Variants in MEGF10 observed in about 807,000 individuals in gnomAD.
MEGF10 encodes multiple EGF like domains 10.
MEGF10 carries 86 observed loss-of-function variants against 147.5 expected under a neutral mutation model. The ratio of observed to expected loss-of-function variants is 0.58; its 90% CI spans 0.49 to 0.70. The LOEUF is 0.70. MEGF10 is among the 30% of genes least tolerant of loss of function. The pLI, the probability that MEGF10 is intolerant of heterozygous loss-of-function variation, is 0.00. For synonymous variants in MEGF10, 478 were observed against 525.5 expected, an observed-to-expected ratio of 0.91 and a Z score of 1.24; for missense variants, 1,329 against 1,487.3, an observed-to-expected ratio of 0.89 and a Z score of 1.75.
At chr5:127,240,346 A>T in the MEGF10 span, among the ~76,000 whole-genome samples, 1 of 152,190 alleles carries the variant, frequency 6.6e-6, no homozygotes, top group Non-Finnish European at 1.5e-5. Context: ...TGGAATTATA[A>T]TTCTCTGTGA....
In MEGF10 at chr5:127,317,018, G is replaced by T. The variant is rs246945; in HGVS notation, c.-18-14273G>T. The stretch of plus-strand genomic sequence containing the variant: ...AGAGGAGTGAAAACCTCTAATGTTT[G>T]GGGAAAATCAAGTACCTGAGAATTG... On this transcript the variant is annotated intron_variant, in intron 1 of 24. Transcript: ENST00000503335. 3.9e-3 allele frequency among the ~76,000 whole-genome samples: 586 copies of T among 152,116 alleles called. 4 individuals carry two copies. The highest frequency in any genetic ancestry group is 0.013 in the African/African-American group (550 of 41,464).
chr5:127,433,426 A>G lies in MEGF10; in HGVS notation c.1757A>G (p.Tyr586Cys). 6.2e-7 allele frequency: 1 copy of G among 1,614,084 alleles called. No individual in the cohort carries two copies. The highest frequency in any genetic ancestry group is 8.5e-7 in the Non-Finnish European group (1 of 1,179,972). The change falls in exon 14 of 25, where the codon TAC (tyrosine) becomes TGC (cysteine). Residue 586 changes from tyrosine to cysteine, a missense_variant. Physicochemically the swap from Tyr to Cys is radical, Grantham distance 194. Transcript: ENST00000503335. ...RWGPNCSLPC[Y>C]CKNGASCSPD... ...GGCCCCAACTGCTCCCTGCCCTGCT[A>G]CTGTAAAAATGGGGCTTCATGCTCC...
intron 14 of MEGF10, 101 bp from the exon 15 acceptor site, chr5:127,434,586 G>T (rs900092839): frequency 7.7e-6 from 10 of 1,293,262 alleles, no homozygotes; most frequent in South Asian, 3.7e-5. Flanking sequence ...TTTTTTTAAG[G>T]TTTTGCTTTT....
the MEGF10 span, among the ~76,000 whole-genome samples, chr5:127,263,424 T>C: frequency 1.3e-5 from 2 of 152,106 alleles, no homozygotes. Flanking sequence ...AATTTGGCAA[T>C]GGTTTTACAA....
intron 22 of MEGF10, among the ~76,000 whole-genome samples, chr5:127,451,090 G>C (rs1037079599): frequency 6.6e-5 from 10 of 152,192 alleles, no homozygotes; most frequent in Non-Finnish European, 1.5e-4. Context: ...CTCCTGGGTG[G>C]ACTCTCTCCT....
At position 127,438,429 on chromosome 5, in the gene MEGF10, G is replaced by A. The variant is rs1386010463; in HGVS notation, c.2105-10G>A. On this transcript the variant is annotated splice_polypyrimidine_tract_variant and intron_variant, in intron 16 of 24. Coordinates refer to ENST00000503335, the MANE Select transcript of MEGF10 (RefSeq NM_001256545.2). ...AACTCTGATGGACTTCTCCATACCTGTAATTTCAGCATGTCCACCTGCCCA... is the reference window on the plus strand; with the variant it reads ...AACTCTGATGGACTTCTCCATACCTATAATTTCAGCATGTCCACCTGCCCA... 3 of 1,613,528 alleles carry A rather than the reference G, an allele frequency of 1.9e-6. No homozygotes were observed. The highest frequency in any genetic ancestry group is 2.2e-5 in the East Asian group (1 of 44,872).
chr5:127,250,604 T>C, the MEGF10 span, among the ~76,000 whole-genome samples: 2 of 151,996 alleles, frequency 1.3e-5, no homozygotes, highest in African/African-American at 4.8e-5. Flanking sequence ...AGAGACAAGA[T>C]AAACTTGCTG....
At chr5:127,449,553 G>T (rs371492660) in intron 22 of MEGF10, among the ~76,000 whole-genome samples, 89 of 152,280 alleles carry the variant, frequency 5.8e-4, no homozygotes, top group Middle Eastern at 3.4e-3. Context: ...ATCACCATCT[G>T]CATGTTACAG....
intron 13 of MEGF10, among the ~76,000 whole-genome samples, chr5:127,431,068 T>C (rs905734370): frequency 2.0e-5 from 3 of 152,196 alleles, no homozygotes; most frequent in African/African-American, 7.2e-5. Context: ...AAATGATGGG[T>C]AAACCATATG....
At chr5:127,268,585 G>T in the MEGF10 span, among the ~76,000 whole-genome samples, 2 of 152,198 alleles carry the variant, frequency 1.3e-5, no homozygotes, top group African/African-American at 4.8e-5. Context: ...AAACAAAGGG[G>T]CCAGGAAGCT....
intron 7 of MEGF10, among the ~76,000 whole-genome samples, chr5:127,401,537 T>C (rs1401022719): frequency 6.6e-6 from 1 of 152,184 alleles, no homozygotes; most frequent in Non-Finnish European, 1.5e-5. Flanking sequence ...TAGGAAACCA[T>C]CTGGTGTTCA....
At chr5:127,241,080 T>C in the MEGF10 span, among the ~76,000 whole-genome samples, 2,305 of 152,326 alleles carry the variant, frequency 0.015, 46 homozygotes, top group African/African-American at 0.045. Context: ...GGCTATATAG[T>C]GTTTATGGTT....
At chr5:127,391,099 C>CGT (rs1763658844) in intron 5 of MEGF10, among the ~76,000 whole-genome samples, 4 of 30,788 alleles carry the variant, frequency 1.3e-4, no homozygotes, top group African/African-American at 2.7e-4. Flanking sequence ...CGCGCGCGCG[C>CGT]GCGCACACAC....
chr5:127,434,890 T>A, intron 15 of MEGF10, 69 bp downstream of exon 15: 2 of 1,530,188 alleles, frequency 1.3e-6, no homozygotes, highest in Non-Finnish European at 1.7e-6. Flanking sequence ...TCCTCAGGCC[T>A]CCCCTTGGCC....
In MEGF10 at chr5:127,410,375, C is replaced by G; in HGVS notation, c.918-14C>G. 1 of 1,613,376 alleles carries G rather than the reference C, an allele frequency of 6.2e-7. No individual in the cohort carries two copies. Among genetic ancestry groups the G allele is most frequent in the Non-Finnish European group, 8.5e-7 (1 of 1,179,340 alleles). On this transcript the variant is annotated splice_polypyrimidine_tract_variant and intron_variant, in intron 8 of 24. Transcript: ENST00000503335. ...AACTAATCTTTCTTCTTGCTCCTGC[C>G]TCTTGCTTGGTAGGTGCCAGGATGA...
chr5:127,402,038 C>G (rs1191969926), intron 7 of MEGF10, among the ~76,000 whole-genome samples: 1 of 152,188 alleles, frequency 6.6e-6, no homozygotes, highest in African/African-American at 2.4e-5. Context: ...AAATTTCAAT[C>G]TTGTGTTATG....
intron 8 of MEGF10, among the ~76,000 whole-genome samples, chr5:127,408,349 G>A (rs1764414167): frequency 6.6e-6 from 1 of 152,058 alleles, no homozygotes; most frequent in Admixed American, 6.5e-5. Context: ...TTTCCTTTTG[G>A]AACTGACTTG....
intron 14 of MEGF10, among the ~76,000 whole-genome samples, chr5:127,433,714 A>G (rs1765465596): frequency 6.6e-6 from 1 of 152,226 alleles, no homozygotes; most frequent in Non-Finnish European, 1.5e-5. Context: ...AACCTAACAG[A>G]TGGGGATTTA....
Position 127,433,463 on chromosome 5 carries a change from C to T in MEGF10, c.1794C>T (p.Gly598=), listed in dbSNP as rs753227845. ...KNGASCSPDD[G]ICECAPGFRG... is the part of the protein sequence containing the mutation. ...GGGCTTCATGCTCCCCTGATGATGGCATCTGCGAGTGTGCACCAGGCTTCC... is the reference window on the plus strand; with the variant it reads ...GGGCTTCATGCTCCCCTGATGATGGTATCTGCGAGTGTGCACCAGGCTTCC... Residue 598 remains glycine, a synonymous_variant, in exon 14 of 25, where the codon GGC becomes GGT. Transcript: ENST00000503335. 6.2e-7 allele frequency: 1 copy of T among 1,613,720 alleles called. No homozygotes were observed. Among genetic ancestry groups the T allele is most frequent in the African/African-American group, 1.3e-5 (1 of 75,046 alleles).
Sources: allele counts gnomAD v4.1 joint callset (sites outside exome capture counted in the v4.1 genomes callset), GRCh38; gene constraint gnomAD v4.1.1; transcripts MANE v1.5; gene names NCBI Gene and HGNC (gene_info 2026-07-23, HGNC 2026-07-21).